NXPE2: variants seen among roughly 807,000 people sequenced by gnomAD.
NXPE2 encodes the protein NXPE family member 2.
In NXPE2, 34 loss-of-function variants were observed where a neutral mutation model predicts 34.4. The ratio of observed to expected loss-of-function variants is 0.99; its 90% CI spans 0.75 to 1.31. NXPE2 has a LOEUF of 1.31. NXPE2 is among the 40% of genes most tolerant of loss of function. The pLI is 0.00. For missense variants in NXPE2, 649 were observed against 672.5 expected, an observed-to-expected ratio of 0.97 and a Z score of 0.39; for synonymous variants, 235 against 231.3, an observed-to-expected ratio of 1.02 and a Z score of -0.15.
intron 2 of NXPE2, among the ~76,000 whole-genome samples, chr11:114,685,753 C>T (rs1296599195): frequency 6.6e-6 from 1 of 152,106 alleles, no homozygotes; most frequent in Non-Finnish European, 1.5e-5. Flanking sequence ...TTTAAAGAGA[C>T]TTTCCTCCTT....
At chr11:114,568,207 A>G in the NXPE2 span, among the ~76,000 whole-genome samples, 1 of 152,176 alleles carries the variant, frequency 6.6e-6, no homozygotes, top group Non-Finnish European at 1.5e-5. Flanking sequence ...TTCTTAAAAA[A>G]AATCTCTGGG....
the NXPE2 span, among the ~76,000 whole-genome samples, chr11:114,787,190 G>C: frequency 6.6e-6 from 1 of 150,866 alleles, no homozygotes; most frequent in African/African-American, 2.4e-5. Flanking sequence ...CAAAAAAAAA[G>C]TGAAAAAGAA....
chr11:114,699,198 C>T (rs1403111544), intron 3 of NXPE2, among the ~76,000 whole-genome samples: 1 of 152,120 alleles, frequency 6.6e-6, no homozygotes, highest in Non-Finnish European at 1.5e-5. Context: ...AAGCTCTATA[C>T]ATTATCCCTC....
chr11:114,769,495 T>C, the NXPE2 span, among the ~76,000 whole-genome samples: 2 of 152,170 alleles, frequency 1.3e-5, no homozygotes, highest in Non-Finnish European at 2.9e-5. Context: ...CATTCTACTA[T>C]AAAGACACAT....
the NXPE2 span, among the ~76,000 whole-genome samples, chr11:114,600,966 C>T: frequency 6.6e-6 from 1 of 151,956 alleles, no homozygotes; most frequent in Non-Finnish European, 1.5e-5. Context: ...ATATCGTATA[C>T]CAAATAATTT....
chr11:114,513,114 T>G, the NXPE2 span: 1 of 540,760 alleles, frequency 1.8e-6, no homozygotes, highest in South Asian at 1.4e-5. Context: ...GCACCTGCCA[T>G]CAGGGCTGGA....
At chr11:114,683,993 A>G (rs1315376296) in intron 2 of NXPE2, among the ~76,000 whole-genome samples, 1 of 152,208 alleles carries the variant, frequency 6.6e-6, no homozygotes, top group African/African-American at 2.4e-5. Context: ...TCACTGAAGT[A>G]TTGACCAGAA....
the NXPE2 span, among the ~76,000 whole-genome samples, chr11:114,564,229 GT>G: frequency 6.6e-6 from 1 of 152,114 alleles, no homozygotes; most frequent in African/African-American, 2.4e-5. Context: ...CATATCATAT[GT>G]TCTCACTCAT....
At chr11:114,497,310 G>A in the NXPE2 span, among the ~76,000 whole-genome samples, 240 of 152,188 alleles carry the variant, frequency 1.6e-3, no homozygotes, top group African/African-American at 5.3e-3. Context: ...AAGTGTTTTC[G>A]TACAGCAAGT....
At chr11:114,667,553 T>C in the NXPE2 span, among the ~76,000 whole-genome samples, 1 of 152,168 alleles carries the variant, frequency 6.6e-6, no homozygotes, top group Non-Finnish European at 1.5e-5. Flanking sequence ...GTGGAAGTCA[T>C]GACATGTGAG....
the NXPE2 span, among the ~76,000 whole-genome samples, chr11:114,479,229 G>A: frequency 6.6e-6 from 1 of 152,124 alleles, no homozygotes; most frequent in Non-Finnish European, 1.5e-5. Context: ...TGGACACTCT[G>A]GGCTATAAAG....
the NXPE2 span, chr11:114,583,759 G>A: frequency 2.1e-6 from 1 of 481,422 alleles, no homozygotes; most frequent in South Asian, 1.7e-5. Flanking sequence ...ATCACCAGAG[G>A]GTGTTGTATG....
In NXPE2 at chr11:114,706,405, T is replaced by C. The variant is rs924455006; in HGVS notation, c.1155T>C (p.Tyr385=). 1 of 1,531,262 alleles carries C rather than the reference T, an allele frequency of 6.5e-7. No individual in the cohort carries two copies. Among genetic ancestry groups the C allele is most frequent in the Admixed American group, 2.2e-5 (1 of 46,054 alleles). The allele number at this position is 1,531,262 out of a possible 1,614,324, so 94.9% of individuals were successfully genotyped here. Reference sequence around the variant, plus strand: ...TTTGTCTTTCATCAGCCCTAAAATATTTTGATCATCATGGAGCTGGGATCT... The same window carrying C: ...TTTGTCTTTCATCAGCCCTAAAATACTTTGATCATCATGGAGCTGGGATCT... ...YLQKAVKTLK[Y]FDHHGAGIFK... is the part of the protein sequence containing the mutation. The change falls in exon 6 of 6, where the codon TAT becomes TAC. Residue 385 remains tyrosine, a synonymous_variant. Coordinates refer to ENST00000389586, the MANE Select transcript of NXPE2 (RefSeq NM_182495.6).
the NXPE2 span, among the ~76,000 whole-genome samples, chr11:114,774,552 C>G: frequency 6.6e-6 from 1 of 152,150 alleles, no homozygotes; most frequent in Non-Finnish European, 1.5e-5. Context: ...GAGGAGGGCT[C>G]CTTACATTCT....
chr11:114,621,309 G>C, the NXPE2 span, among the ~76,000 whole-genome samples: 2 of 152,082 alleles, frequency 1.3e-5, no homozygotes, highest in African/African-American at 4.8e-5. Flanking sequence ...ATTGCTTTGT[G>C]GGTATCCACT....
At chr11:114,673,397 C>A in the NXPE2 span, among the ~76,000 whole-genome samples, 1 of 151,360 alleles carries the variant, frequency 6.6e-6, no homozygotes, top group Non-Finnish European at 1.5e-5. Context: ...AAATCAATAA[C>A]CTAACTTTTC....
the NXPE2 span, among the ~76,000 whole-genome samples, chr11:114,649,880 G>C: frequency 4.7e-3 from 711 of 152,306 alleles, 10 homozygotes; most frequent in African/African-American, 0.016. Context: ...GTTTTACTAA[G>C]GCAGGGATTC....
At chr11:114,608,857 G>T in the NXPE2 span, among the ~76,000 whole-genome samples, 1 of 151,580 alleles carries the variant, frequency 6.6e-6, no homozygotes, top group Admixed American at 6.6e-5. Flanking sequence ...TGCCTTGTGG[G>T]TAACCACTCT....
the NXPE2 span, among the ~76,000 whole-genome samples, chr11:114,491,035 G>A: frequency 1.3e-4 from 20 of 149,894 alleles, no homozygotes; most frequent in Admixed American, 2.7e-4. Flanking sequence ...GGTGGCGGGC[G>A]CCTGTAGTCC....
Sources: allele counts gnomAD v4.1 joint callset (sites outside exome capture counted in the v4.1 genomes callset), GRCh38; gene constraint gnomAD v4.1.1; transcripts MANE v1.5; gene names NCBI Gene and HGNC (gene_info 2026-07-23, HGNC 2026-07-21).